Variants in MEI4 observed in about 807,000 individuals in gnomAD.
MEI4 encodes the protein meiotic double-stranded break formation protein 4.
MEI4 carries 27 observed loss-of-function variants against 31.4 expected under a neutral mutation model. The observed-to-expected ratio is 0.86, with a 90% CI of 0.63 to 1.19. The LOEUF (loss-of-function observed/expected upper bound fraction) is 1.19, where lower values mean the gene tolerates loss of function less well. Among genes scored for constraint, MEI4 ranks in the 50% most tolerant of loss-of-function variants. The pLI, the probability that MEI4 is intolerant of heterozygous loss-of-function variation, is 0.00. For synonymous variants in MEI4, 122 were observed against 145.4 expected, an observed-to-expected ratio of 0.84 and a Z score of 1.16; for missense variants, 329 against 398.9, an observed-to-expected ratio of 0.82 and a Z score of 1.49.
chr6:77,765,536 A>G (rs1178866072), intron 3 of MEI4, among the ~76,000 whole-genome samples: 6 of 150,950 alleles, frequency 4.0e-5, no homozygotes, highest in African/African-American at 1.5e-4. Context: ...ATTTAGCATT[A>G]GGTATATCTC....
At chr6:77,674,501 G>A (rs1323879606) in intron 1 of MEI4, among the ~76,000 whole-genome samples, 1 of 152,134 alleles carries the variant, frequency 6.6e-6, no homozygotes, top group African/African-American at 2.4e-5. Flanking sequence ...TTGTGTTGCA[G>A]TTGCCTGAAG....
Position 77,923,244 on chromosome 6 carries a change from A to T in MEI4, c.1056A>T (p.Glu352Asp), listed in dbSNP as rs899027164. 2 of 1,230,550 alleles carry T rather than the reference A, an allele frequency of 1.6e-6. No homozygotes were observed. The highest frequency in any genetic ancestry group is 4.1e-5 in the South Asian group (1 of 24,306). 76.2% of individuals were successfully genotyped at this position (1,230,550 alleles called of 1,614,324 possible). A position where few individuals can be genotyped will look rare whatever the true frequency, so the allele number is the denominator to read the frequency against. Residue 352 changes from glutamate to aspartate, a missense_variant, in exon 5 of 5, where the codon GAA becomes GAT. Physicochemically the swap from Glu to Asp is conservative, Grantham distance 45 (BLOSUM62 2). Transcript: ENST00000684080. ...EIKKFLQKHD[E>D]TIFQLSDAFP... ...AGAAATTTCTTCAGAAGCATGATGA[A>T]ACTATTTTCCAACTTTCTGATGCAT...
chr6:77,913,891 G>A (rs923825682), intron 4 of MEI4, among the ~76,000 whole-genome samples: 1 of 151,650 alleles, frequency 6.6e-6, no homozygotes, highest in African/African-American at 2.4e-5. Context: ...AAAATTAGCT[G>A]AGTGTGGTGG....
At chr6:77,675,960 A>C (rs1172336101) in intron 1 of MEI4, among the ~76,000 whole-genome samples, 3 of 152,196 alleles carry the variant, frequency 2.0e-5, no homozygotes, top group Non-Finnish European at 4.4e-5. Context: ...TTCATTGATA[A>C]GTTTGATCTT....
At chr6:77,807,187 T>G (rs1447338727) in intron 3 of MEI4, among the ~76,000 whole-genome samples, 1 of 151,512 alleles carries the variant, frequency 6.6e-6, no homozygotes, top group Non-Finnish European at 1.5e-5. Context: ...TGTGAATCAA[T>G]GAATTACAAA....
chr6:77,731,569 T>G (rs983746372), intron 2 of MEI4, among the ~76,000 whole-genome samples: 4 of 151,554 alleles, frequency 2.6e-5, no homozygotes, highest in Non-Finnish European at 5.9e-5. Context: ...TTTCTCCCAT[T>G]TTGTAGGTTG....
At chr6:77,800,621 T>C (rs1196440845) in intron 3 of MEI4, among the ~76,000 whole-genome samples, 1 of 152,226 alleles carries the variant, frequency 6.6e-6, no homozygotes, top group Non-Finnish European at 1.5e-5. Flanking sequence ...TGATATTGGC[T>C]GTGGGTTTCT....
At chr6:77,736,368 C>T (rs1223456608) in intron 2 of MEI4, among the ~76,000 whole-genome samples, 1 of 152,084 alleles carries the variant, frequency 6.6e-6, no homozygotes, top group African/African-American at 2.4e-5. Context: ...TGGAAAAGCG[C>T]AGTATTTGGG....
At chr6:77,783,827 C>A (rs1334708456) in intron 3 of MEI4, among the ~76,000 whole-genome samples, 1 of 152,072 alleles carries the variant, frequency 6.6e-6, no homozygotes, top group Non-Finnish European at 1.5e-5. Flanking sequence ...ATTCATGCTA[C>A]ATTTAAACAA....
intron 3 of MEI4, among the ~76,000 whole-genome samples, chr6:77,782,223 G>GAGAGAA (rs1768612428): frequency 6.6e-6 from 1 of 151,984 alleles, no homozygotes. Flanking sequence ...GATGAGAGAA[G>GAGAGAA]GGGAGAACTT....
intron 4 of MEI4, among the ~76,000 whole-genome samples, chr6:77,908,737 T>C (rs1766359315): frequency 6.6e-6 from 1 of 151,856 alleles, no homozygotes; most frequent in Non-Finnish European, 1.5e-5. Context: ...CCAACAAAGA[T>C]CAAAAGAGAC....
intron 2 of MEI4, among the ~76,000 whole-genome samples, chr6:77,748,961 C>T (rs556410409): frequency 9.2e-5 from 14 of 152,216 alleles, no homozygotes; most frequent in South Asian, 8.3e-4. Context: ...CAGCCTCTGC[C>T]GGTGATACCC....
chr6:77,710,367 C>G (rs894605283), intron 2 of MEI4, among the ~76,000 whole-genome samples: 1 of 151,602 alleles, frequency 6.6e-6, no homozygotes, highest in Non-Finnish European at 1.5e-5. Context: ...ACTAAGAATA[C>G]AAAAATTAGC....
chr6:77,675,627 C>T (rs1768830185), intron 1 of MEI4, among the ~76,000 whole-genome samples: 1 of 151,712 alleles, frequency 6.6e-6, no homozygotes, highest in Non-Finnish European at 1.5e-5. Flanking sequence ...AAGCAGAGCC[C>T]ACTGTCATAC....
intron 2 of MEI4, among the ~76,000 whole-genome samples, chr6:77,708,219 G>T (rs1766373785): frequency 6.6e-6 from 1 of 152,190 alleles, no homozygotes; most frequent in Admixed American, 6.5e-5. Flanking sequence ...GGCTTTGGGA[G>T]CCCACCCCTT....
rs1312693293 is a variant in MEI4, at chr6:77,731,662, G to A, written c.233-29468G>A. Among the ~76,000 whole-genome samples, 203 of 150,928 alleles carry A rather than the reference G, an allele frequency of 1.3e-3. 2 individuals are homozygous for A. Among genetic ancestry groups the A allele is most frequent in the African/African-American group, 4.3e-3 (178 of 40,954 alleles). Reference sequence around the variant, plus strand: ...ATCCCATTTGTCAATTTTGGCTTTTGTTGCCATTGCTTTTGGTGTTTTAGA... The same window carrying A: ...ATCCCATTTGTCAATTTTGGCTTTTATTGCCATTGCTTTTGGTGTTTTAGA... On this transcript the variant is annotated intron_variant, in intron 2 of 4. Transcript: ENST00000684080.
intron 4 of MEI4, among the ~76,000 whole-genome samples, chr6:77,841,333 A>ATATATATATATATATATTTT: frequency 1.1e-4 from 3 of 27,734 alleles, no homozygotes; most frequent in Non-Finnish European, 1.6e-4. Context: ...ATATATATAT[A>ATATATATATATATATATTTT]TTTTTTTTTT....
At chr6:77,907,277 T>C (rs1766318073) in intron 4 of MEI4, among the ~76,000 whole-genome samples, 1 of 152,112 alleles carries the variant, frequency 6.6e-6, no homozygotes, top group Non-Finnish European at 1.5e-5. Context: ...CCAAATGCTA[T>C]CCCTTCCCCC....
intron 4 of MEI4, among the ~76,000 whole-genome samples, chr6:77,845,029 G>T (rs960107221): frequency 2.6e-5 from 4 of 152,112 alleles, no homozygotes; most frequent in African/African-American, 9.7e-5. Flanking sequence ...AACCTAGCAA[G>T]AATTCACACT....
Sources: gnomAD v4.1 joint callset for allele counts (sites outside exome capture counted in the v4.1 genomes callset) on GRCh38, gnomAD v4.1.1 for gene constraint, MANE v1.5 for transcripts, NCBI Gene and HGNC (gene_info 2026-07-23, HGNC 2026-07-21) for gene names.